SCML4: variants seen among roughly 807,000 people sequenced by gnomAD.
SCML4 encodes Scm polycomb group protein like 4.
SCML4 carries 34 observed loss-of-function variants against 41.1 expected under a neutral mutation model. The ratio of observed to expected loss-of-function variants is 0.83; its 90% confidence interval spans 0.63 to 1.10. The LOEUF (loss-of-function observed/expected upper bound fraction) is 1.10. Among genes scored for constraint, SCML4 ranks in the 50% least tolerant of loss-of-function variants. SCML4 has a pLI of 0.00. For missense variants in SCML4, 522 were observed against 534.1 expected (o/e 0.98, Z 0.22); for synonymous variants, 214 against 220.9 (o/e 0.97, Z 0.28).
rs77112685 is a variant in SCML4 at position 107,749,162 on chromosome 6, T to C, written c.286+522A>G. ...CATGTGCGTGTGTGTGAGAGAGAGATACCATCAGCTTGTCATTACTATTAT... is the reference window on the plus strand; with the variant it reads ...CATGTGCGTGTGTGTGAGAGAGAGACACCATCAGCTTGTCATTACTATTAT... On this transcript the variant is annotated intron_variant, in intron 3 of 7. Coordinates refer to ENST00000369020, the MANE Select transcript of SCML4 (RefSeq NM_198081.5). Among the ~76,000 whole-genome samples the C allele has an allele frequency of 5.1e-3, 775 of 152,072 alleles. 12 individuals carry two copies. In the East Asian group the frequency reaches 0.063, roughly 12 times the overall value.
chr6:107,786,663 A>T (rs1781919232), intron 1 of SCML4, among the ~76,000 whole-genome samples: 1 of 152,244 alleles, frequency 6.6e-6, no homozygotes, highest in Non-Finnish European at 1.5e-5. Context: ...TTTATTAAAT[A>T]AATGATGTAT....
chr6:107,718,777 CT>C (rs1281424194), intron 6 of SCML4: 2 of 152,148 alleles, frequency 1.3e-5, no homozygotes, highest in African/African-American at 4.8e-5. Context: ...TAAATATCTC[CT>C]TTTTAAAAAG....
rs1779526920 is a variant in SCML4 at position 107,760,893 on chromosome 6, A to C, written c.157-11080T>G. 4.4e-5 allele frequency among the ~76,000 whole-genome samples: 3 copies of C among 67,576 alleles called. No individual in the cohort carries two copies. The Admixed American group carries it at 5.9e-4, about 13-fold the overall frequency. The allele number at this position is 67,576 out of a possible 152,430, so 44.3% of individuals were successfully genotyped here. A position where few individuals can be genotyped will look rare whatever the true frequency, so the allele number is the denominator to read the frequency against. On this transcript the variant is annotated intron_variant, in intron 2 of 7. Coordinates refer to ENST00000369020, the MANE Select transcript of SCML4 (RefSeq NM_198081.5). ...CTGGGGAACAAAAAATGATTTAAAA[A>C]ACACAGTAAATTTGAAAAAGAAGCA...
intron 1 of SCML4, among the ~76,000 whole-genome samples, chr6:107,823,789 T>A (rs1785115818): frequency 6.6e-6 from 1 of 152,178 alleles, no homozygotes; most frequent in Non-Finnish European, 1.5e-5. Flanking sequence ...AACCGGTTAC[T>A]TGAGTTCACA....
the SCML4 span, among the ~76,000 whole-genome samples, chr6:107,836,503 C>CT: frequency 6.6e-6 from 1 of 152,184 alleles, no homozygotes; most frequent in Non-Finnish European, 1.5e-5. Context: ...GTCTTTCCAA[C>CT]CCAGAGCTTA....
intron 5 of SCML4, among the ~76,000 whole-genome samples, chr6:107,734,571 G>GA (rs1776870110): frequency 6.6e-6 from 1 of 152,168 alleles, no homozygotes; most frequent in Non-Finnish European, 1.5e-5. Flanking sequence ...GCTTTTCTCT[G>GA]GAGGCACCTT....
At chr6:107,713,203 A>G (rs1728127) in intron 6 of SCML4, among the ~76,000 whole-genome samples, 114,239 of 152,120 alleles carry the variant, frequency 0.75, 43,096 homozygotes, top group Admixed American at 0.81. Context: ...CCATACGTAC[A>G]TAATTTCCTT....
intron 1 of SCML4, among the ~76,000 whole-genome samples, chr6:107,775,332 C>T (rs1202325982): frequency 1.3e-5 from 2 of 152,190 alleles, no homozygotes; most frequent in South Asian, 2.1e-4. Flanking sequence ...GTTTCCTGAG[C>T]TTAGAGTTCC....
chr6:107,751,604 TTC>T (rs1778652871), intron 2 of SCML4, among the ~76,000 whole-genome samples: 2 of 143,982 alleles, frequency 1.4e-5, no homozygotes, highest in East Asian at 2.2e-4. Context: ...CTTTCTTTCT[TTC>T]TTTCTTTCTT....
At position 107,728,833 on chromosome 6, in the gene SCML4, A is replaced by G. The variant is rs546239440; in HGVS notation, c.683-7840T>C. Reference sequence around the variant, plus strand: ...TCAAGACAAATCAACCAAGCCCCAGATGTGGCTCTGTAAAGTGGCTCCTGG... The same window carrying G: ...TCAAGACAAATCAACCAAGCCCCAGGTGTGGCTCTGTAAAGTGGCTCCTGG... On this transcript the variant is annotated intron_variant, in intron 5 of 7. Coordinates refer to ENST00000369020, the MANE Select transcript of SCML4 (RefSeq NM_198081.5). Among the ~76,000 whole-genome samples the G allele has an allele frequency of 2.0e-5, 3 of 152,314 alleles. No individual in the cohort carries two copies. The East Asian group carries it at 5.8e-4, about 29-fold the overall frequency.
the SCML4 span, among the ~76,000 whole-genome samples, chr6:107,831,363 C>A: frequency 2.0e-5 from 2 of 99,506 alleles, no homozygotes; most frequent in African/African-American, 7.7e-5. Context: ...GCCTTTAGAA[C>A]AAAACTTGAA....
intron 1 of SCML4, among the ~76,000 whole-genome samples, chr6:107,779,425 G>C (rs1781310236): frequency 1.3e-5 from 2 of 152,152 alleles, no homozygotes; most frequent in African/African-American, 4.8e-5. Context: ...TAGAGGCACA[G>C]GGCTGGTGAT....
the SCML4 span, among the ~76,000 whole-genome samples, chr6:107,838,792 T>G: frequency 5.9e-5 from 9 of 152,266 alleles, no homozygotes; most frequent in South Asian, 1.9e-3. Context: ...TAGAGACACA[T>G]GCAAATATTA....
chr6:107,826,112 C>T (rs572351222), upstream of SCML4, among the ~76,000 whole-genome samples: 8 of 151,626 alleles, frequency 5.3e-5, no homozygotes, highest in East Asian at 5.8e-4. Flanking sequence ...GGCTTGGTGG[C>T]GCTTGCCTGT....
At chr6:107,706,708 G>T (rs1773664982) in intron 7 of SCML4, among the ~76,000 whole-genome samples, 1 of 152,142 alleles carries the variant, frequency 6.6e-6, no homozygotes, top group African/African-American at 2.4e-5. Context: ...GGGGGGAGTG[G>T]CGGCTGTGTA....
chr6:107,762,797 C>T (rs1562230887), intron 2 of SCML4, among the ~76,000 whole-genome samples: 1 of 150,682 alleles, frequency 6.6e-6, no homozygotes, highest in African/African-American at 2.4e-5. Flanking sequence ...GCTTCCAAAA[C>T]TCTGAGACAA....
At position 107,707,871 on chromosome 6, in the gene SCML4, T is replaced by C; in HGVS notation, c.1114A>G (p.Lys372Glu). The C allele has an allele frequency of 1.9e-6, 3 of 1,551,714 alleles. No individual in the cohort carries two copies. Among genetic ancestry groups the C allele is most frequent in the Non-Finnish European group, 2.6e-6 (3 of 1,147,008 alleles). Reference protein sequence around the residue: ...ALGPHVELFRKHEIDGNALLL... With the variant: ...ALGPHVELFREHEIDGNALLL... ...CAAACCCACCACTCGCATACGTGCT[T>C]TCTGAAGAGCTCCACGTGAGGCCCC... The change falls in exon 7 of 8, where the codon AAG (lysine) becomes GAG (glutamate). Residue 372 changes from lysine (K) to glutamate (E), a missense_variant. Physicochemically the swap from Lys to Glu is moderately conservative, Grantham distance 56 (BLOSUM62 1). Coordinates refer to ENST00000369020, the MANE Select transcript of SCML4 (RefSeq NM_198081.5).
At chr6:107,706,677 G>A (rs1562160348) in intron 7 of SCML4, among the ~76,000 whole-genome samples, 1 of 152,122 alleles carries the variant, frequency 6.6e-6, no homozygotes, top group Admixed American at 6.6e-5. Context: ...AGATTATCCC[G>A]GATTATGGGG....
At chr6:107,832,734 G>A in the SCML4 span, among the ~76,000 whole-genome samples, 1 of 152,192 alleles carries the variant, frequency 6.6e-6, no homozygotes, top group African/African-American at 2.4e-5. Flanking sequence ...TCAGCAAGAA[G>A]CAACTGACTA....
Sources: allele counts gnomAD v4.1 joint callset (sites outside exome capture counted in the v4.1 genomes callset), GRCh38; gene constraint gnomAD v4.1.1; transcripts MANE v1.5; gene names NCBI Gene and HGNC (gene_info 2026-07-23, HGNC 2026-07-21).